The following CT55 variants were observed in gnomAD, a reference collection of about 807,000 sequenced individuals.
CT55 encodes BRCA2-interacting protein.
CT55 carries 1 observed loss-of-function variant against 12.6 expected under a neutral mutation model. That is an observed-to-expected ratio of 0.08 (90% CI 0.03 to 0.38). CT55 has a LOEUF of 0.38. Ranked by LOEUF, CT55 falls within the 10% of genes least tolerant of loss-of-function variation. CT55 has a pLI of 0.99. For synonymous variants in CT55, 43 were observed against 49.7 expected (o/e 0.87, Z 0.57); for missense variants, 109 against 135.4 (o/e 0.80, Z 0.97).
At chrX:135,159,173 CT>C (rs2083550769) in intron 3 of CT55, among the ~76,000 whole-genome samples, 1 of 110,597 alleles carries the variant, frequency 9.0e-6, no homozygotes, top group Admixed American at 9.6e-5. Flanking sequence ...GGACCCAACA[CT>C]GTAGAATGAC....
Position 135,171,276 on chromosome X carries a change from A to G in CT55, c.-105T>C. On this transcript the variant is annotated 5_prime_UTR_variant, in exon 1 of 6. The change abolishes the stop of an existing upstream ORF in the 5' untranslated region. Coordinates refer to ENST00000276241, the MANE Select transcript of CT55 (RefSeq NM_001031705.3). ...GGTCACGGCGTCTCCTCAGGGACTC[A>G]CTTCCTGCTTCTCCTCAGACACTGT... 8.8e-7 allele frequency: 1 copy of G among 1,134,629 alleles called. No individual in the cohort carries two copies. Among genetic ancestry groups the G allele is most frequent in the South Asian group, 2.2e-5 (1 of 46,095 alleles). The allele number at this position is 1,134,629 out of a possible 1,213,427, so 93.5% of individuals were successfully genotyped here. A position where few individuals can be genotyped will look rare whatever the true frequency, so the allele number is the denominator to read the frequency against.
chrX:135,171,209 G>A lies in CT55; in HGVS notation c.-38C>T. The stretch of plus-strand genomic sequence containing the variant: ...CACCACCGGCCTGGGCACCGCTTGT[G>A]GCAGATGAAGCACGAGGCCTCCTCA... On this transcript the variant is annotated 5_prime_UTR_variant, in exon 1 of 6. Coordinates refer to ENST00000276241, the MANE Select transcript of CT55 (RefSeq NM_001031705.3). The A allele has an allele frequency of 1.7e-6, 2 of 1,208,138 alleles. No homozygotes were observed. The highest frequency in any genetic ancestry group is 1.8e-5 in the South Asian group (1 of 56,245).
chrX:135,159,765 A>G (rs1294808567), intron 3 of CT55, among the ~76,000 whole-genome samples: 1 of 111,951 alleles, frequency 8.9e-6, no homozygotes, highest in Non-Finnish European at 1.9e-5. Context: ...TTTGCACCCA[A>G]GAAAACAAAC....
At chrX:135,162,097 C>G (rs1351146949) in intron 2 of CT55, among the ~76,000 whole-genome samples, 2 of 112,588 alleles carry the variant, frequency 1.8e-5, no homozygotes, top group Non-Finnish European at 3.8e-5. Flanking sequence ...TTGTATGACA[C>G]AAGTGGCATT....
intron 2 of CT55, among the ~76,000 whole-genome samples, chrX:135,161,348 C>T (rs1289371256): frequency 1.5e-4 from 17 of 111,454 alleles, no homozygotes; most frequent in African/African-American, 4.9e-4. Context: ...AAGCAGTTAC[C>T]CCACAATCCA....
chrX:135,164,417 T>C (rs1182642174), intron 2 of CT55, among the ~76,000 whole-genome samples: 15 of 111,650 alleles, frequency 1.3e-4, no homozygotes, highest in Admixed American at 2.8e-4. Context: ...AAACATCCTG[T>C]AATAGACACA....
At chrX:135,171,771 T>C (rs1220322419), upstream of CT55, among the ~76,000 whole-genome samples, 1 of 111,790 alleles carries the variant, frequency 8.9e-6, no homozygotes, top group Non-Finnish European at 1.9e-5. Flanking sequence ...GAGGGCATCA[T>C]GTGGGTAGGC....
At chrX:135,169,831 C>CT (rs1278510035) in intron 1 of CT55, 53 bp from the exon 2 acceptor site, 12 of 962,605 alleles carry the variant, frequency 1.2e-5, no homozygotes, top group Non-Finnish European at 1.7e-5. Flanking sequence ...CAAACACCTA[C>CT]TACAAGTAAG....
rs782745176 is a variant in CT55 at position 135,160,393 on chromosome X, T to G, written c.424+18A>C. 8.7e-7 allele frequency: 1 copy of G among 1,143,310 alleles called. No individual in the cohort carries two copies. Among genetic ancestry groups the G allele is most frequent in the Non-Finnish European group, 1.2e-6 (1 of 861,090 alleles). 94.2% of individuals were successfully genotyped at this position (1,143,310 alleles called of 1,213,427 possible). A position where few individuals can be genotyped will look rare whatever the true frequency, so the allele number is the denominator to read the frequency against. On this transcript the variant is annotated intron_variant, in intron 3 of 5. Coordinates refer to ENST00000276241, the MANE Select transcript of CT55 (RefSeq NM_001031705.3). ...AAAATTAAGAATTACATCATATATT[T>G]CAAAATATAAATCATACCTTCAGAA...
intron 3 of CT55, 99 bp downstream of exon 3, chrX:135,160,312 C>A (rs2083557333): frequency 3.4e-6 from 3 of 884,770 alleles, no homozygotes; most frequent in Non-Finnish European, 4.6e-6. Context: ...ACTGAAGAGC[C>A]ATTGACTGAA....
chrX:135,168,913 C>T (rs782512720), intron 2 of CT55, among the ~76,000 whole-genome samples: 1 of 112,266 alleles, frequency 8.9e-6, no homozygotes, highest in Admixed American at 9.4e-5. Context: ...ATAAAACTTA[C>T]TGTAATCTCA....
chrX:135,171,610 T>C (rs1274774854), upstream of CT55, among the ~76,000 whole-genome samples: 1 of 111,653 alleles, frequency 9.0e-6, no homozygotes, highest in Non-Finnish European at 1.9e-5. Flanking sequence ...GGCTCTTCTC[T>C]TGGGTTCCCT....
At chrX:135,159,184 C>T (rs1430733319) in intron 3 of CT55, among the ~76,000 whole-genome samples, 1 of 107,452 alleles carries the variant, frequency 9.3e-6, no homozygotes, top group African/African-American at 3.4e-5. Context: ...TGTAGAATGA[C>T]ATAAGACACT....
chrX:135,159,207 TTCTCTCTC>T (rs60230637), intron 3 of CT55, among the ~76,000 whole-genome samples: 1,614 of 100,540 alleles, frequency 0.016, 12 homozygotes, highest in African/African-American at 0.025. Flanking sequence ...GTTAGACCTG[TTCTCTCTC>T]TCTCTCTCTC....
At chrX:135,171,550 G>A (rs145132420), upstream of CT55, among the ~76,000 whole-genome samples, 456 of 111,975 alleles carry the variant, frequency 4.1e-3, 3 homozygotes, top group African/African-American at 0.014. Context: ...AGGATGGCCT[G>A]GGGAAAATGG....
rs1259725050 is a variant in CT55, at chrX:135,168,457, G to A, written c.279+1137C>T. ...CGCTTGTGTTGTTAGGGTGGACAGA[G>A]GAATGAGAAGATGTTGGTGAAAGAA... is the stretch of plus-strand genomic sequence containing the variant. On this transcript the variant is annotated intron_variant, in intron 2 of 5. Transcript: ENST00000276241. Among the ~76,000 whole-genome samples the A allele has an allele frequency of 8.1e-5, 9 of 111,612 alleles. No homozygotes were observed. In the East Asian group the frequency reaches 1.4e-3, roughly 17 times the overall value.
intron 3 of CT55, among the ~76,000 whole-genome samples, chrX:135,158,877 G>A (rs1439351648): frequency 1.8e-5 from 2 of 112,487 alleles, no homozygotes; most frequent in Non-Finnish European, 3.8e-5. Flanking sequence ...CTGTTGATTG[G>A]TAGTAGTGGT....
chrX:135,165,684 T>C (rs1334466887), intron 2 of CT55, among the ~76,000 whole-genome samples: 1 of 109,996 alleles, frequency 9.1e-6, no homozygotes, highest in Non-Finnish European at 1.9e-5. Context: ...TTAGCTAGAC[T>C]AAGGAAAAAA....
chrX:135,169,829 T>A, intron 1 of CT55, 51 bp from the exon 2 acceptor site: 1 of 961,324 alleles, frequency 1.0e-6, no homozygotes, highest in Non-Finnish European at 1.4e-6. Context: ...TGCAAACACC[T>A]ACTACAAGTA....
Sources: allele counts gnomAD v4.1 joint callset (sites outside exome capture counted in the v4.1 genomes callset), GRCh38; gene constraint gnomAD v4.1.1; transcripts MANE v1.5; gene names NCBI Gene and HGNC (gene_info 2026-07-23, HGNC 2026-07-21).